The following ATF6 variants were observed in gnomAD, a reference collection of about 807,000 sequenced individuals.
ATF6 encodes the protein activating transcription factor 6, also known as cyclic AMP-dependent transcription factor ATF-6 alpha.
A neutral mutation model predicts 83.6 loss-of-function variants in ATF6; 53 were observed. The observed-to-expected ratio is 0.63, with a 90% CI of 0.51 to 0.80. ATF6 has a LOEUF of 0.80. ATF6 is among the 30% of genes least tolerant of loss of function. ATF6 has a pLI of 0.00. For missense variants in ATF6, 744 were observed against 797.9 expected, an observed-to-expected ratio of 0.93 and a Z score of 0.81; for synonymous variants, 288 against 285.8, an observed-to-expected ratio of 1.01 and a Z score of -0.08.
chr1:161,778,261 G>C lies in ATF6; in HGVS notation c.100G>C (p.Glu34Gln). The C allele has an allele frequency of 1.9e-6, 3 of 1,613,508 alleles. No homozygotes were observed. The highest frequency in any genetic ancestry group is 2.5e-6 in the Non-Finnish European group (3 of 1,179,720). Reference sequence around the variant, plus strand: ...GTCCAAAGATTCTGCTCTCTTTGCTGAACTCGGTTATTTCACAGACACTGA... The same window carrying C: ...GTCCAAAGATTCTGCTCTCTTTGCTCAACTCGGTTATTTCACAGACACTGA... ...DEDWDSALFA[E>Q]LGYFTDTDEL... is the part of the protein sequence containing the mutation. Residue 34 changes from glutamate (E) to glutamine (Q), a missense_variant, in exon 2 of 16, where the codon GAA becomes CAA. Transcript: ENST00000367942.
intron 9 of ATF6, among the ~76,000 whole-genome samples, chr1:161,827,537 A>G (rs987898461): frequency 1.3e-5 from 2 of 152,356 alleles, no homozygotes; most frequent in Non-Finnish European, 1.5e-5. Context: ...TTTTAAATTT[A>G]GGAACCTAAA....
chr1:161,943,342 G>T (rs989200983), intron 15 of ATF6, among the ~76,000 whole-genome samples: 2 of 152,148 alleles, frequency 1.3e-5, no homozygotes, highest in Admixed American at 1.3e-4. Flanking sequence ...TGTGAAAAGG[G>T]TGCCTGCTTC....
intron 15 of ATF6, among the ~76,000 whole-genome samples, chr1:161,918,901 T>C (rs1003188996): frequency 6.6e-5 from 10 of 152,174 alleles, no homozygotes; most frequent in African/African-American, 2.4e-4. Flanking sequence ...GAATTTGATT[T>C]TCCAATTTAA....
intron 15 of ATF6, among the ~76,000 whole-genome samples, chr1:161,941,575 C>T (rs1688642131): frequency 6.6e-6 from 1 of 152,162 alleles, no homozygotes; most frequent in African/African-American, 2.4e-5. Flanking sequence ...AGCCTTTAGC[C>T]GGGCTCCGCT....
At chr1:161,785,688 A>C (rs1360274876) in intron 4 of ATF6, among the ~76,000 whole-genome samples, 1 of 152,086 alleles carries the variant, frequency 6.6e-6, no homozygotes, top group Non-Finnish European at 1.5e-5. Context: ...TTTTACCAGG[A>C]TATTTTTGGG....
intron 12 of ATF6, among the ~76,000 whole-genome samples, chr1:161,854,540 T>C (rs1167792835): frequency 6.6e-6 from 1 of 152,210 alleles, no homozygotes; most frequent in Non-Finnish European, 1.5e-5. Context: ...AACATTGCTT[T>C]TGCCATAGGC....
Position 161,819,408 on chromosome 1 carries a change from TAAG to T in ATF6, c.910-219_910-217del, listed in dbSNP as rs3830434. On this transcript the variant is annotated intron_variant, in intron 7 of 15. Coordinates refer to ENST00000367942, the MANE Select transcript of ATF6 (RefSeq NM_007348.4). ...ATTAATAAACGAGCCTTAGAAAACA[TAAG>T]AAGAAATTATTTAACATTTGGGTTT... 7.9e-5 allele frequency among the ~76,000 whole-genome samples: 12 copies of T among 152,272 alleles called. No homozygotes were observed. In the East Asian group the frequency reaches 2.3e-3, roughly 29 times the overall value.
intron 7 of ATF6, among the ~76,000 whole-genome samples, chr1:161,803,265 A>G (rs1034949988): frequency 1.3e-5 from 2 of 152,218 alleles, no homozygotes; most frequent in Non-Finnish European, 2.9e-5. Flanking sequence ...ATAAACAGTA[A>G]TCTCAGCCAG....
At chr1:161,957,330 C>A (rs193210189) in intron 15 of ATF6, among the ~76,000 whole-genome samples, 276 of 152,284 alleles carry the variant, frequency 1.8e-3, no homozygotes, top group African/African-American at 5.3e-3. Flanking sequence ...AGTTCTTCCC[C>A]AGCCCCACAC....
In ATF6 at chr1:161,888,609, C is replaced by T. The variant is rs555580034; in HGVS notation, c.1720-23687C>T. 7.2e-5 allele frequency among the ~76,000 whole-genome samples: 11 copies of T among 152,268 alleles called. No individual in the cohort carries two copies. The South Asian group carries it at 2.1e-3, about 29-fold the overall frequency. On this transcript the variant is annotated intron_variant, in intron 14 of 15. Transcript: ENST00000367942. Reference sequence around the variant, plus strand: ...TTTTCTCATTTCTCTATATCCAAAACTATCACCAAGTACTGTTAATTTTAC... The same window carrying T: ...TTTTCTCATTTCTCTATATCCAAAATTATCACCAAGTACTGTTAATTTTAC...
rs559575377 is a variant in ATF6, at chr1:161,837,366, A to G, written c.1188-9083A>G. Among the ~76,000 whole-genome samples, 4 of 152,316 alleles carry G rather than the reference A, an allele frequency of 2.6e-5. No homozygotes were observed. The East Asian group carries it at 7.7e-4, about 29-fold the overall frequency. ...TCTACAAATGGTTCTTAATTGATTT[A>G]TGACTAATGTCAGTATGAACTGCAG... is the stretch of plus-strand genomic sequence containing the variant. On this transcript the variant is annotated intron_variant, in intron 9 of 15. Transcript: ENST00000367942.
At chr1:161,930,175 A>T (rs559294541) in intron 15 of ATF6, among the ~76,000 whole-genome samples, 1 of 152,372 alleles carries the variant, frequency 6.6e-6, no homozygotes, top group African/African-American at 2.4e-5. Flanking sequence ...CAAATAAATT[A>T]TGAGCTTATT....
chr1:161,940,868 T>A (rs1688628972), intron 15 of ATF6, among the ~76,000 whole-genome samples: 1 of 152,012 alleles, frequency 6.6e-6, no homozygotes, highest in South Asian at 2.1e-4. Flanking sequence ...GGCCAGAAAA[T>A]GTTCTTTGTC....
In ATF6 at chr1:161,863,195, T is replaced by C; in HGVS notation, c.1605-3T>C. On this transcript the variant is annotated splice_polypyrimidine_tract_variant and splice_region_variant and intron_variant, in intron 13 of 15. Coordinates refer to ENST00000367942, the MANE Select transcript of ATF6 (RefSeq NM_007348.4). ...GTAATACCTTATATTTTTCTTACTT[T>C]AGCAGGAACTCAGGGAGTGAGCTAC... is the stretch of plus-strand genomic sequence containing the variant. 1 of 1,559,192 alleles carries C rather than the reference T, an allele frequency of 6.4e-7. No individual in the cohort carries two copies. The highest frequency in any genetic ancestry group is 8.8e-7 in the Non-Finnish European group (1 of 1,137,844).
chr1:161,957,446 G>A (rs1274675672), intron 15 of ATF6, among the ~76,000 whole-genome samples: 1 of 152,114 alleles, frequency 6.6e-6, no homozygotes. Flanking sequence ...TGATTGTTCA[G>A]TTGGGCTTGA....
At chr1:161,855,250 T>TG (rs1686732853) in intron 12 of ATF6, among the ~76,000 whole-genome samples, 1 of 152,158 alleles carries the variant, frequency 6.6e-6, no homozygotes, top group South Asian at 2.1e-4. Flanking sequence ...GAAATTGTTG[T>TG]GGTCCATACT....
At chr1:161,840,950 G>A (rs930617764) in intron 9 of ATF6, among the ~76,000 whole-genome samples, 27 of 152,082 alleles carry the variant, frequency 1.8e-4, no homozygotes, top group African/African-American at 6.3e-4. Flanking sequence ...ACAAAGTTTG[G>A]TTAGATTGCT....
chr1:161,925,684 C>G (rs1688298944), intron 15 of ATF6, among the ~76,000 whole-genome samples: 2 of 152,120 alleles, frequency 1.3e-5, no homozygotes, highest in African/African-American at 4.8e-5. Flanking sequence ...TACTGCCTGA[C>G]AAGAGTAAGT....
At chr1:161,903,695 G>T (rs1401666348) in intron 14 of ATF6, among the ~76,000 whole-genome samples, 2 of 152,042 alleles carry the variant, frequency 1.3e-5, no homozygotes, top group East Asian at 3.9e-4. Flanking sequence ...TGTTGTTACT[G>T]TCCCTATTTT....
Sources: allele counts gnomAD v4.1 joint callset (sites outside exome capture counted in the v4.1 genomes callset), GRCh38; gene constraint gnomAD v4.1.1; transcripts MANE v1.5; gene names NCBI Gene and HGNC (gene_info 2026-07-23, HGNC 2026-07-21).